GPR101: variants seen among roughly 807,000 people sequenced by gnomAD.
GPR101 encodes the protein probable G protein-coupled receptor 101.
GPR101 carries 8 observed loss-of-function variants against 16.4 expected under a neutral mutation model. The ratio of observed to expected loss-of-function variants is 0.49; its 90% CI spans 0.29 to 0.88. The LOEUF (loss-of-function observed/expected upper bound fraction) is 0.88, where lower values mean the gene tolerates loss of function less well. Ranked by LOEUF, GPR101 falls within the 40% of genes least tolerant of loss-of-function variation. The pLI, the probability that GPR101 is intolerant of heterozygous loss-of-function variation, is 0.09. For synonymous variants in GPR101, 155 were observed against 168.7 expected, an observed-to-expected ratio of 0.92 and a Z score of 0.63; for missense variants, 375 against 411.7, an observed-to-expected ratio of 0.91 and a Z score of 0.77.
rs145513322 is a variant in GPR101, at chrX:137,024,291, G to T, written c.*5857C>A. On this transcript the variant is annotated 3_prime_UTR_variant, in exon 2 of 2. Transcript: ENST00000651716. Reference sequence around the variant, plus strand: ...GGAAGATAAAGCCTACCTGTTTTGTGCACCTGAAGGTAAGTCGTGCCAATG... The same window carrying T: ...GGAAGATAAAGCCTACCTGTTTTGTTCACCTGAAGGTAAGTCGTGCCAATG... Among the ~76,000 whole-genome samples, 65 of 111,816 alleles carry T rather than the reference G, an allele frequency of 5.8e-4. No homozygotes were observed. The highest frequency in any genetic ancestry group is 2.0e-3 in the African/African-American group (62 of 30,815).
chrX:137,027,948 G>A lies in GPR101; in HGVS notation c.*2200C>T, dbSNP rs1393611970. ...ATTTCTACTCAAAGGATAGGCTATAGCTACCTTGAACTCCTTTGACAATTT... is the reference window on the plus strand; with the variant it reads ...ATTTCTACTCAAAGGATAGGCTATAACTACCTTGAACTCCTTTGACAATTT... On this transcript the variant is annotated 3_prime_UTR_variant, in exon 2 of 2. Transcript: ENST00000651716. Among the ~76,000 whole-genome samples the A allele has an allele frequency of 8.9e-6, 1 of 112,284 alleles. No homozygotes were observed. Among genetic ancestry groups the A allele is most frequent in the African/African-American group, 3.2e-5 (1 of 30,844 alleles).
Position 137,031,360 on chromosome X carries a change from C to T in GPR101, c.315G>A (p.Thr105=). The change falls in exon 2 of 2, where the codon ACG becomes ACA. Residue 105 remains threonine, a synonymous_variant. Transcript: ENST00000651716. ...LFWPLNSHFC[T]ALVSLTHLFA... is the part of the protein sequence containing the mutation. Reference sequence around the variant, plus strand: ...ACAGGTGGGTGAGGCTAACCAGGGCCGTGCAGAAGTGGCTGTTGAGGGGCC... The same window carrying T: ...ACAGGTGGGTGAGGCTAACCAGGGCTGTGCAGAAGTGGCTGTTGAGGGGCC... 1.7e-6 allele frequency: 2 copies of T among 1,196,160 alleles called. No individual in the cohort carries two copies. Among genetic ancestry groups the T allele is most frequent in the Middle Eastern group, 2.3e-4 (1 of 4,267 alleles).
Position 137,026,254 on chromosome X carries a change from C to T in GPR101, c.*3894G>A. Among the ~76,000 whole-genome samples, 1 of 112,284 alleles carries T rather than the reference C, an allele frequency of 8.9e-6. No individual in the cohort carries two copies. The highest frequency in any genetic ancestry group is 1.9e-5 in the Non-Finnish European group (1 of 53,273). ...CAGAAAAGACATTATGAGGGGAAAACACGTTATTTTTTTCCTCAAAATATT... is the reference window on the plus strand; with the variant it reads ...CAGAAAAGACATTATGAGGGGAAAATACGTTATTTTTTTCCTCAAAATATT... On this transcript the variant is annotated 3_prime_UTR_variant, in exon 2 of 2. Transcript: ENST00000651716.
rs188201884 is a variant in GPR101 at position 137,027,731 on chromosome X, T to C, written c.*2417A>G. Reference sequence around the variant, plus strand: ...GGGAATCTCAGTGCCCTTGAGAATGTTGTGTGTGCTGTTAAATGGACTTAC... The same window carrying C: ...GGGAATCTCAGTGCCCTTGAGAATGCTGTGTGTGCTGTTAAATGGACTTAC... On this transcript the variant is annotated 3_prime_UTR_variant, in exon 2 of 2. Transcript: ENST00000651716. 8.0e-5 allele frequency among the ~76,000 whole-genome samples: 9 copies of C among 112,545 alleles called. No homozygotes were observed. In the East Asian group the frequency reaches 2.2e-3, roughly 28 times the overall value.
rs1927272336 is a variant in GPR101, at chrX:137,031,769, G to A, written c.-92-3C>T. 6 of 714,343 alleles carry A rather than the reference G, an allele frequency of 8.4e-6. No homozygotes were observed. In the East Asian group the frequency reaches 2.1e-4, roughly 25 times the overall value. 58.9% of individuals were successfully genotyped at this position (714,343 alleles called of 1,213,427 possible). On this transcript the variant is annotated splice_region_variant and splice_polypyrimidine_tract_variant and intron_variant, in intron 1 of 1. Coordinates refer to ENST00000651716, the MANE Select transcript of GPR101 (RefSeq NM_054021.2). ...ACAGACCGCACTCAGTGCCTATGCTGGTGACAAAAGAAACACGCAGGCAGA... is the reference window on the plus strand; with the variant it reads ...ACAGACCGCACTCAGTGCCTATGCTAGTGACAAAAGAAACACGCAGGCAGA...
At position 137,026,667 on chromosome X, in the gene GPR101, G is replaced by A. The variant is rs1210821702; in HGVS notation, c.*3481C>T. On this transcript the variant is annotated 3_prime_UTR_variant, in exon 2 of 2. Coordinates refer to ENST00000651716, the MANE Select transcript of GPR101 (RefSeq NM_054021.2). ...CAGTATTGACTATTCCCCCAATGAT[G>A]TGTAATATCGAGTGCTTTTTTGGTA... 8.9e-6 allele frequency among the ~76,000 whole-genome samples: 1 copy of A among 112,065 alleles called. No homozygotes were observed. Among genetic ancestry groups the A allele is most frequent in the African/African-American group, 3.2e-5 (1 of 30,796 alleles).
Position 137,024,846 on chromosome X carries a change from C to T in GPR101, c.*5302G>A, listed in dbSNP as rs769680711. On this transcript the variant is annotated 3_prime_UTR_variant, in exon 2 of 2. Coordinates refer to ENST00000651716, the MANE Select transcript of GPR101 (RefSeq NM_054021.2). ...GCCAAGCGCGAAACCTGTCAGTTCA[C>T]GGTCAGGTGTTGGTTGGGTCTTCAG... Among the ~76,000 whole-genome samples the T allele has an allele frequency of 2.8e-4, 31 of 112,138 alleles. 1 individual carries two copies. The South Asian group carries it at 8.6e-3, about 31-fold the overall frequency.
In GPR101 at chrX:137,027,003, G is replaced by T. The variant is rs1195080407; in HGVS notation, c.*3145C>A. Among the ~76,000 whole-genome samples, 2 of 109,068 alleles carry T rather than the reference G, an allele frequency of 1.8e-5. No homozygotes were observed. The highest frequency in any genetic ancestry group is 8.2e-4 in the South Asian group (2 of 2,450). The allele number at this position is 109,068 out of a possible 115,157, so 94.7% of individuals were successfully genotyped here. A position where few individuals can be genotyped will look rare whatever the true frequency, so the allele number is the denominator to read the frequency against. ...AGAGGGAGTGAGGCAGGTGAAGGCA[G>T]TGGGCTGATGGCAAGAGGTAGGCAG... On this transcript the variant is annotated 3_prime_UTR_variant, in exon 2 of 2. Coordinates refer to ENST00000651716, the MANE Select transcript of GPR101 (RefSeq NM_054021.2).
In GPR101 at chrX:137,024,566, T is replaced by C. The variant is rs1200808089; in HGVS notation, c.*5582A>G. Among the ~76,000 whole-genome samples, 1 of 112,061 alleles carries C rather than the reference T, an allele frequency of 8.9e-6. No individual in the cohort carries two copies. Among genetic ancestry groups the C allele is most frequent in the East Asian group, 2.8e-4 (1 of 3,615 alleles). On this transcript the variant is annotated 3_prime_UTR_variant, in exon 2 of 2. Transcript: ENST00000651716. Reference sequence around the variant, plus strand: ...TAGTTTTTTAGTTGTAATATTTTGTTCTGAAAATATAACAAAATCATCTTA... The same window carrying C: ...TAGTTTTTTAGTTGTAATATTTTGTCCTGAAAATATAACAAAATCATCTTA...
chrX:137,030,717 C>T lies in GPR101; in HGVS notation c.958G>A (p.Gly320Ser). Reference sequence around the variant, plus strand: ...TCAACTTTGGTGCTGCCTTCCTTACCCTCCATGCTGCCGTCGCTGGCCACC... The same window carrying T: ...TCAACTTTGGTGCTGCCTTCCTTACTCTCCATGCTGCCGTCGCTGGCCACC... The part of the protein sequence containing the change: ...STVASDGSME[G>S]KEGSTKVEEN... The change falls in exon 2 of 2, where the codon GGT becomes AGT. Residue 320 changes from glycine (G) to serine (S), a missense_variant. Physicochemically the swap from Gly to Ser is moderately conservative, Grantham distance 56. Coordinates refer to ENST00000651716, the MANE Select transcript of GPR101 (RefSeq NM_054021.2). 1 of 1,211,340 alleles carries T rather than the reference C, an allele frequency of 8.3e-7. No homozygotes were observed. The highest frequency in any genetic ancestry group is 1.1e-6 in the Non-Finnish European group (1 of 895,356).
In GPR101 at chrX:137,027,525, A is replaced by G. The variant is rs1481662967; in HGVS notation, c.*2623T>C. On this transcript the variant is annotated 3_prime_UTR_variant, in exon 2 of 2. Transcript: ENST00000651716. ...AAATTTCGAGTACTTGCTATCTCCA[A>G]GCTAACCATAGGCCTTATTGTTCAT... Among the ~76,000 whole-genome samples, 1 of 111,911 alleles carries G rather than the reference A, an allele frequency of 8.9e-6. No homozygotes were observed. The highest frequency in any genetic ancestry group is 2.8e-4 in the East Asian group (1 of 3,575).
chrX:137,033,599 A>C (rs1273296811), intron 1 of GPR101, among the ~76,000 whole-genome samples: 1 of 110,918 alleles, frequency 9.0e-6, no homozygotes, highest in Non-Finnish European at 1.9e-5. Flanking sequence ...GGGGGAAAAG[A>C]ACGCACGAGA....
rs1927219141 is a variant in GPR101 at position 137,029,654 on chromosome X, A to G, written c.*494T>C. Among the ~76,000 whole-genome samples the G allele has an allele frequency of 8.9e-6, 1 of 111,749 alleles. No individual in the cohort carries two copies. Among genetic ancestry groups the G allele is most frequent in the East Asian group, 2.8e-4 (1 of 3,572 alleles). On this transcript the variant is annotated 3_prime_UTR_variant, in exon 2 of 2. Coordinates refer to ENST00000651716, the MANE Select transcript of GPR101 (RefSeq NM_054021.2). ...GGCTGTTCAGTTCAGAATTTGGCTC[A>G]TATGTTGATCAGTCCATTAGGTTCT...
In GPR101 at chrX:137,030,080, C is replaced by G; in HGVS notation, c.*68G>C. ...GGTTTGGCATTAATGAATTGTGGGTCCATTGAAAAGAAATCTCCTCTTGTT... is the reference window on the plus strand; with the variant it reads ...GGTTTGGCATTAATGAATTGTGGGTGCATTGAAAAGAAATCTCCTCTTGTT... On this transcript the variant is annotated 3_prime_UTR_variant, in exon 2 of 2. Coordinates refer to ENST00000651716, the MANE Select transcript of GPR101 (RefSeq NM_054021.2). 2.1e-6 allele frequency: 2 copies of G among 964,572 alleles called. No homozygotes were observed. The highest frequency in any genetic ancestry group is 2.8e-6 in the Non-Finnish European group (2 of 704,385). The allele number at this position is 964,572 out of a possible 1,213,427, so 79.5% of individuals were successfully genotyped here.
rs1712258719 is a variant in GPR101 at position 137,029,860 on chromosome X, C to A, written c.*288G>T. ...TGTAGCTCTGGAAAAGATAGAATAC[C>A]AACTACAAGTCCAAAATGGATAGCC... On this transcript the variant is annotated 3_prime_UTR_variant, in exon 2 of 2. Transcript: ENST00000651716. Among the ~76,000 whole-genome samples, 1 of 112,089 alleles carries A rather than the reference C, an allele frequency of 8.9e-6. No individual in the cohort carries two copies. Among genetic ancestry groups the A allele is most frequent in the Non-Finnish European group, 1.9e-5 (1 of 53,236 alleles).
Position 137,027,847 on chromosome X carries a change from TA to T in GPR101, c.*2300del, listed in dbSNP as rs914351670. ...CTTTGAAGGGGGTGAGCTTTAAAAATAAAACAAGAAGTTCAGTTTTAACACA... is the reference window on the plus strand; with the variant it reads ...CTTTGAAGGGGGTGAGCTTTAAAAATAAACAAGAAGTTCAGTTTTAACACA... On this transcript the variant is annotated 3_prime_UTR_variant, in exon 2 of 2. Transcript: ENST00000651716. Among the ~76,000 whole-genome samples the T allele has an allele frequency of 1.8e-5, 2 of 112,583 alleles. No homozygotes were observed. The highest frequency in any genetic ancestry group is 6.5e-5 in the African/African-American group (2 of 30,951).
Position 137,032,099 on chromosome X carries a change from C to G in GPR101, c.-92-333G>C, listed in dbSNP as rs1405108029. 4.5e-5 allele frequency among the ~76,000 whole-genome samples: 5 copies of G among 111,227 alleles called. No individual in the cohort carries two copies. The East Asian group carries it at 1.1e-3, about 25-fold the overall frequency. On this transcript the variant is annotated intron_variant, in intron 1 of 1. Transcript: ENST00000651716. ...CTCTCTGTTTCTGTCTGTTTACGAC[C>G]GTCAGTTTCTGTCTCTTCTCCAGTG...
Position 137,030,926 on chromosome X carries a change from G to T in GPR101, c.749C>A (p.Ala250Glu). The change falls in exon 2 of 2, where the codon GCA becomes GAA. Residue 250 changes from alanine to glutamate, a missense_variant. Physicochemically the swap from Ala to Glu is moderately radical, Grantham distance 107. Coordinates refer to ENST00000651716, the MANE Select transcript of GPR101 (RefSeq NM_054021.2). Reference protein sequence around the residue: ...DCVENEDEEGAEKKEEFQDES... With the variant: ...DCVENEDEEGEEKKEEFQDES... ...ATCCTGGAACTCCTCCTTCTTCTCT[G>T]CTCCCTCTTCATCCTCATTCTCCAC... The T allele has an allele frequency of 8.3e-7, 1 of 1,211,588 alleles. No homozygotes were observed. The highest frequency in any genetic ancestry group is 1.1e-6 in the Non-Finnish European group (1 of 895,479).
At position 137,028,308 on chromosome X, in the gene GPR101, A is replaced by G. The variant is rs1927197377; in HGVS notation, c.*1840T>C. 8.9e-6 allele frequency among the ~76,000 whole-genome samples: 1 copy of G among 111,823 alleles called. No individual in the cohort carries two copies. Among genetic ancestry groups the G allele is most frequent in the South Asian group, 3.8e-4 (1 of 2,630 alleles). ...TACTTTCCTAAATTCTGAACATGGC[A>G]ATCCCAAATTCCCATGCAGAGTTAT... On this transcript the variant is annotated 3_prime_UTR_variant, in exon 2 of 2. Transcript: ENST00000651716.
Sources: allele counts gnomAD v4.1 joint callset (sites outside exome capture counted in the v4.1 genomes callset), GRCh38; gene constraint gnomAD v4.1.1; transcripts MANE v1.5; gene names NCBI Gene and HGNC (gene_info 2026-07-23, HGNC 2026-07-21).